The following UFSP2 variants were observed in gnomAD, a reference collection of about 807,000 sequenced individuals.
UFSP2 encodes UFM1 specific peptidase 2, also known as ufm1-specific protease 2.
UFSP2 carries 43 observed loss-of-function variants against 60.2 expected under a neutral mutation model. The observed-to-expected ratio is 0.71, with a 90% CI of 0.56 to 0.92. UFSP2 has a LOEUF of 0.92. Ranked by LOEUF, UFSP2 falls within the 40% of genes least tolerant of loss-of-function variation. The pLI is 0.00. For synonymous variants in UFSP2, 183 were observed against 195.1 expected (o/e 0.94, Z 0.52); for missense variants, 520 against 575.0 (o/e 0.90, Z 0.98).
chr4:185,407,425 TTTATA>T (rs964555045), intron 9 of UFSP2, among the ~76,000 whole-genome samples: 1 of 152,188 alleles, frequency 6.6e-6, no homozygotes, highest in Non-Finnish European at 1.5e-5. Context: ...AAATAATTAA[TTTATA>T]TTTTCTCATT....
intron 4 of UFSP2, among the ~76,000 whole-genome samples, chr4:185,416,333 C>G (rs1050233355): frequency 6.6e-6 from 1 of 152,184 alleles, no homozygotes; most frequent in African/African-American, 2.4e-5. Flanking sequence ...ATCAAATTAA[C>G]ATAAAATAAC....
At chr4:185,406,537 TA>T (rs1025793460) in intron 9 of UFSP2, among the ~76,000 whole-genome samples, 1 of 152,110 alleles carries the variant, frequency 6.6e-6, no homozygotes, top group Admixed American at 6.6e-5. Context: ...CTGTAACTTT[TA>T]AAAAAAGTTC....
intron 8 of UFSP2, 60 bp downstream of exon 8, chr4:185,408,211 G>GTATA: frequency 6.4e-7 from 1 of 1,571,944 alleles, no homozygotes; most frequent in Non-Finnish European, 8.7e-7. Context: ...ATTATCAATG[G>GTATA]TATATTAAGG....
intron 11 of UFSP2, chr4:185,402,176 A>G: frequency 2.8e-6 from 1 of 357,532 alleles, no homozygotes. Context: ...TAGCTCCCGA[A>G]AAACCTCGTG....
At position 185,399,648 on chromosome 4, in the gene UFSP2, A is replaced by G; in HGVS notation, c.*744T>C. 6.2e-7 allele frequency: 1 copy of G among 1,614,216 alleles called. No individual in the cohort carries two copies. Among genetic ancestry groups the G allele is most frequent in the Non-Finnish European group, 8.5e-7 (1 of 1,180,018 alleles). On this transcript the variant is annotated 3_prime_UTR_variant, in exon 12 of 12. Transcript: ENST00000264689. ...TTCCAGACTGTGCCAAGTTTCTTAC[A>G]ACAATTAAATGTATGCAGACAATAA...
At position 185,422,884 on chromosome 4, in the gene UFSP2, G is replaced by A. The variant is rs553194229; in HGVS notation, c.4-321C>T. ...GATTTTGGTTTTTTGTTTGGAGACAGGGTCTCACTCTGTCACACAGCTGGA... is the reference window on the plus strand; with the variant it reads ...GATTTTGGTTTTTTGTTTGGAGACAAGGTCTCACTCTGTCACACAGCTGGA... On this transcript the variant is annotated intron_variant, in intron 1 of 11. Coordinates refer to ENST00000264689, the MANE Select transcript of UFSP2 (RefSeq NM_018359.5). Among the ~76,000 whole-genome samples the A allele has an allele frequency of 1.1e-4, 9 of 83,358 alleles. No individual in the cohort carries two copies. The East Asian group carries it at 2.5e-3, about 23-fold the overall frequency. 54.7% of individuals were successfully genotyped at this position (83,358 alleles called of 152,430 possible).
rs558128593 is a variant in UFSP2 at position 185,419,222 on chromosome 4, C to G, written c.83-452G>C. ...TCTGGGCTCACTGCAAGCTCCGCCT[C>G]CCGGGTTCACGCCATTCTCCTGCCT... On this transcript the variant is annotated intron_variant, in intron 2 of 11. Coordinates refer to ENST00000264689, the MANE Select transcript of UFSP2 (RefSeq NM_018359.5). Among the ~76,000 whole-genome samples, 3 of 152,222 alleles carry G rather than the reference C, an allele frequency of 2.0e-5. No homozygotes were observed. The South Asian group carries it at 6.2e-4, about 32-fold the overall frequency.
chr4:185,415,984 C>G, intron 4 of UFSP2, 117 bp from the exon 5 acceptor site: 1 of 794,942 alleles, frequency 1.3e-6, no homozygotes, highest in Non-Finnish European at 1.9e-6. Context: ...TAAGACTAGC[C>G]AAGTACAGTA....
intron 2 of UFSP2, among the ~76,000 whole-genome samples, chr4:185,421,546 C>T (rs1181640285): frequency 6.6e-6 from 1 of 152,106 alleles, no homozygotes; most frequent in East Asian, 1.9e-4. Flanking sequence ...CTTCTTTTGC[C>T]ATGTGATACA....
At chr4:185,423,745 T>C (rs1223786670) in intron 1 of UFSP2, among the ~76,000 whole-genome samples, 1 of 152,138 alleles carries the variant, frequency 6.6e-6, no homozygotes, top group Non-Finnish European at 1.5e-5. Context: ...AAATGACATG[T>C]ATCATTGTTT....
At chr4:185,410,906 A>G (rs2095527977) in intron 7 of UFSP2, among the ~76,000 whole-genome samples, 1 of 147,946 alleles carries the variant, frequency 6.8e-6, no homozygotes, top group African/African-American at 2.5e-5. Flanking sequence ...AGATTGTGCC[A>G]CTGCACTCCA....
At chr4:185,424,727 T>G (rs1021614395) in intron 1 of UFSP2, among the ~76,000 whole-genome samples, 2 of 152,214 alleles carry the variant, frequency 1.3e-5, no homozygotes, top group African/African-American at 2.4e-5. Flanking sequence ...ATACTGAAGA[T>G]AAAAGTTAGA....
chr4:185,418,686 C>G lies in UFSP2; in HGVS notation c.167G>C (p.Cys56Ser), dbSNP rs1457735269. The change falls in exon 3 of 12, where the codon TGC (cysteine) becomes TCC (serine). Residue 56 changes from cysteine to serine, a missense_variant. Transcript: ENST00000264689. ...LSSNALVFRI[C>S]HSSVYIWPSS... ...AGGCCATATATACACTGAACTGTGG[C>G]AAATTCTGAACACAAGGGCGTTTGA... The G allele has an allele frequency of 3.1e-6, 5 of 1,613,926 alleles. No individual in the cohort carries two copies. In the East Asian group the frequency reaches 8.9e-5, roughly 29 times the overall value.
rs1466615096 is a variant in UFSP2 at position 185,422,349 on chromosome 4, C to A, written c.82+136G>T. Reference sequence around the variant, plus strand: ...TGGAACACAGTGTCTAAGTGTAAGTCCCATTTAATGTACTTACTAACAATA... The same window carrying A: ...TGGAACACAGTGTCTAAGTGTAAGTACCATTTAATGTACTTACTAACAATA... On this transcript the variant is annotated intron_variant, in intron 2 of 11. Transcript: ENST00000264689. The A allele has an allele frequency of 1.6e-5, 11 of 683,776 alleles. No individual in the cohort carries two copies. In the Admixed American group the frequency reaches 3.3e-4, roughly 21 times the overall value. 42.4% of individuals were successfully genotyped at this position (683,776 alleles called of 1,614,324 possible). A position where few individuals can be genotyped will look rare whatever the true frequency, so the allele number is the denominator to read the frequency against.
intron 11 of UFSP2, among the ~76,000 whole-genome samples, chr4:185,401,713 A>G (rs1262731023): frequency 6.6e-6 from 1 of 152,192 alleles, no homozygotes; most frequent in African/African-American, 2.4e-5. Context: ...ATACAAATAG[A>G]GCAAGGAGGT....
chr4:185,408,335 C>A lies in UFSP2; in HGVS notation c.932G>T (p.Cys311Phe). The A allele has an allele frequency of 6.2e-7, 1 of 1,614,118 alleles. No individual in the cohort carries two copies. The highest frequency in any genetic ancestry group is 2.2e-5 in the East Asian group (1 of 44,888). Residue 311 changes from cysteine (C) to phenylalanine (F), a missense_variant, in exon 8 of 12, where the codon TGC becomes TTC. Coordinates refer to ENST00000264689, the MANE Select transcript of UFSP2 (RefSeq NM_018359.5). ...GTATCCCTGATGTTTGAACCAAGAG[C>A]AGATAGTCTGCAGAGATCGATAAGC... ...GCAYRSLQTI[C>F]SWFKHQGYTE...
At chr4:185,421,458 A>G (rs1460764979) in intron 2 of UFSP2, among the ~76,000 whole-genome samples, 5 of 152,114 alleles carry the variant, frequency 3.3e-5, no homozygotes. Flanking sequence ...CAGTAATAAG[A>G]GTGAGTTCTC....
At chr4:185,408,615 C>G (rs1308343715) in intron 7 of UFSP2, among the ~76,000 whole-genome samples, 180 bp from the exon 8 acceptor site, 1 of 152,180 alleles carries the variant, frequency 6.6e-6, no homozygotes, top group African/African-American at 2.4e-5. Context: ...ATTTGAGGTT[C>G]AAAGTCCTTA....
intron 10 of UFSP2, among the ~76,000 whole-genome samples, chr4:185,404,480 T>A (rs968382193): frequency 6.6e-6 from 1 of 151,870 alleles, no homozygotes; most frequent in African/African-American, 2.4e-5. Context: ...TATTTTTTTT[T>A]AGTAGAGACG....
Sources: gnomAD v4.1 joint callset for allele counts (sites outside exome capture counted in the v4.1 genomes callset) on GRCh38, gnomAD v4.1.1 for gene constraint, MANE v1.5 for transcripts, NCBI Gene and HGNC (gene_info 2026-07-23, HGNC 2026-07-21) for gene names.